The following CHL1 variants were observed in gnomAD, a reference collection of about 807,000 sequenced individuals.
CHL1 encodes the protein neural cell adhesion molecule L1-like protein.
In CHL1, 96 loss-of-function variants were observed where a neutral mutation model predicts 141.9. That is an observed-to-expected ratio of 0.68 (90% CI 0.57 to 0.80). The LOEUF (loss-of-function observed/expected upper bound fraction) is 0.80, where lower values mean the gene tolerates loss of function less well. CHL1 is among the 30% of genes least tolerant of loss of function. The probability of loss-of-function intolerance (pLI) is 0.00; values close to 1 mark genes in which losing one functional copy is unlikely to be tolerated. For missense variants in CHL1, 1,820 were observed against 1,457.2 expected, an observed-to-expected ratio of 1.25 and a Z score of -4.05; for synonymous variants, 613 against 502.2, an observed-to-expected ratio of 1.22 and a Z score of -2.95.
intron 2 of CHL1, among the ~76,000 whole-genome samples, chr3:293,522 C>T (rs979626526): frequency 6.6e-6 from 1 of 151,882 alleles, no homozygotes; most frequent in African/African-American, 2.4e-5. Context: ...TTTAAAAAAA[C>T]CCTAATTGAA....
intron 2 of CHL1, among the ~76,000 whole-genome samples, chr3:298,975 G>C (rs921244075): frequency 6.6e-6 from 1 of 152,118 alleles, no homozygotes. Flanking sequence ...CCGTGTTAAG[G>C]TGCTATAACC....
chr3:225,964 G>A (rs1432317613), intron 1 of CHL1, among the ~76,000 whole-genome samples: 2 of 151,508 alleles, frequency 1.3e-5, no homozygotes, highest in African/African-American at 2.4e-5. Flanking sequence ...AGCCGAGATA[G>A]CACCAGTGCA....
chr3:385,476 C>T (rs1707575171), intron 19 of CHL1, among the ~76,000 whole-genome samples: 1 of 152,050 alleles, frequency 6.6e-6, no homozygotes, highest in Admixed American at 6.6e-5. Flanking sequence ...TTTTATTACC[C>T]CAAAGATACA....
At chr3:217,074 C>T (rs144915051) in intron 1 of CHL1, among the ~76,000 whole-genome samples, 1 of 152,132 alleles carries the variant, frequency 6.6e-6, no homozygotes, top group African/African-American at 2.4e-5. Context: ...TGATTTTCCC[C>T]CACCCTTTGG....
chr3:276,650 G>A (rs948758296), intron 2 of CHL1, among the ~76,000 whole-genome samples: 1 of 152,186 alleles, frequency 6.6e-6, no homozygotes, highest in East Asian at 1.9e-4. Context: ...AGCACTTTGG[G>A]AGGCCGAGGG....
chr3:259,572 C>A (rs998706713), intron 2 of CHL1, among the ~76,000 whole-genome samples: 4 of 152,152 alleles, frequency 2.6e-5, no homozygotes, highest in African/African-American at 7.2e-5. Flanking sequence ...CCTGTATGTC[C>A]CATTGCTTGT....
chr3:233,386 C>T (rs923498815), intron 1 of CHL1, among the ~76,000 whole-genome samples: 1 of 152,128 alleles, frequency 6.6e-6, no homozygotes, highest in Non-Finnish European at 1.5e-5. Context: ...AACAGGAATG[C>T]CATTCTTTCA....
At position 326,119 on chromosome 3, in the gene CHL1, G is replaced by A; in HGVS notation, c.197+55G>A. Reference sequence around the variant, plus strand: ...TTAAATGCGTGCTGTTCTTTATGCTGCTCTTTACTCTTACCATCACAAGCC... The same window carrying A: ...TTAAATGCGTGCTGTTCTTTATGCTACTCTTTACTCTTACCATCACAAGCC... On this transcript the variant is annotated intron_variant, in intron 4 of 27. Coordinates refer to ENST00000256509, the MANE Select transcript of CHL1 (RefSeq NM_006614.4). 5.8e-6 allele frequency: 6 copies of A among 1,026,450 alleles called. No homozygotes were observed. The South Asian group carries it at 8.4e-5, about 14-fold the overall frequency. 63.6% of individuals were successfully genotyped at this position (1,026,450 alleles called of 1,614,324 possible). A position where few individuals can be genotyped will look rare whatever the true frequency, so the allele number is the denominator to read the frequency against.
At chr3:233,712 T>C (rs551712464) in intron 1 of CHL1, among the ~76,000 whole-genome samples, 1 of 152,290 alleles carries the variant, frequency 6.6e-6, no homozygotes, top group South Asian at 2.1e-4. Context: ...TCACCTAATA[T>C]TATACAAAGT....
intron 1 of CHL1, among the ~76,000 whole-genome samples, chr3:230,398 C>G (rs1701757153): frequency 6.6e-6 from 1 of 152,130 alleles, no homozygotes; most frequent in South Asian, 2.1e-4. Flanking sequence ...TAACAAACCA[C>G]CAGCTGATGA....
chr3:363,736 G>C (rs1704527152), intron 14 of CHL1: 1 of 169,596 alleles, frequency 5.9e-6, no homozygotes, highest in Non-Finnish European at 1.3e-5. Context: ...AAGTTTTTGA[G>C]CTAAAGATTT....
At chr3:333,942 C>G (rs1701659843) in intron 5 of CHL1, among the ~76,000 whole-genome samples, 1 of 151,926 alleles carries the variant, frequency 6.6e-6, no homozygotes, top group Non-Finnish European at 1.5e-5. Context: ...AGTTTTTAAA[C>G]AACTTGTTTG....
intron 2 of CHL1, among the ~76,000 whole-genome samples, chr3:311,441 G>A (rs1362351514): frequency 6.6e-6 from 1 of 151,760 alleles, no homozygotes; most frequent in African/African-American, 2.4e-5. Flanking sequence ...TTTCAGGTAG[G>A]GCTGTTCTTC....
chr3:267,774 T>C (rs566190153), intron 2 of CHL1, among the ~76,000 whole-genome samples: 5 of 152,328 alleles, frequency 3.3e-5, no homozygotes, highest in Admixed American at 2.0e-4. Flanking sequence ...GCAACAAATA[T>C]TCTCCCTAAG....
chr3:277,994 A>G (rs1696307627), intron 2 of CHL1, among the ~76,000 whole-genome samples: 1 of 152,224 alleles, frequency 6.6e-6, no homozygotes, highest in South Asian at 2.1e-4. Context: ...TTTACTAGGC[A>G]GGAATGTGGA....
chr3:395,648 A>T (rs1002677793), intron 24 of CHL1, among the ~76,000 whole-genome samples: 1 of 152,264 alleles, frequency 6.6e-6, no homozygotes, highest in Non-Finnish European at 1.5e-5. Flanking sequence ...AGAAGGATGT[A>T]GAAGATGGCA....
intron 5 of CHL1, among the ~76,000 whole-genome samples, chr3:338,014 C>T (rs943247095): frequency 1.3e-5 from 2 of 152,170 alleles, no homozygotes; most frequent in Non-Finnish European, 2.9e-5. Flanking sequence ...TATTTCTCCA[C>T]ATCCTCTCCA....
At chr3:322,858 A>G (rs1700708709) in intron 3 of CHL1, among the ~76,000 whole-genome samples, 1 of 150,988 alleles carries the variant, frequency 6.6e-6, no homozygotes, top group African/African-American at 2.4e-5. Context: ...GGTGATATTT[A>G]ATGTCCATAT....
chr3:303,783 G>A (rs1331305336), intron 2 of CHL1, among the ~76,000 whole-genome samples: 1 of 152,178 alleles, frequency 6.6e-6, no homozygotes. Context: ...TGGTGAGAGA[G>A]GGCATCCTTG....
Sources: gnomAD v4.1 joint callset for allele counts (sites outside exome capture counted in the v4.1 genomes callset) on GRCh38, gnomAD v4.1.1 for gene constraint, MANE v1.5 for transcripts, NCBI Gene and HGNC (gene_info 2026-07-23, HGNC 2026-07-21) for gene names.